LRRC15: variants seen among roughly 807,000 people sequenced by gnomAD.
The protein encoded by LRRC15 is leucine rich repeat containing 15.
Under a neutral mutation model 4.3 loss-of-function variants are expected in LRRC15, and 5 were observed. The observed-to-expected ratio is 1.16, with a 90% confidence interval of 0.61 to 2.44. The LOEUF (loss-of-function observed/expected upper bound fraction) is 2.44, where lower values mean the gene tolerates loss of function less well. Among genes scored for constraint, LRRC15 ranks in the 30% most tolerant of loss-of-function variants. The pLI is 0.01. For synonymous variants in LRRC15, 337 were observed against 323.2 expected, an observed-to-expected ratio of 1.04 and a Z score of -0.46; for missense variants, 769 against 747.0, an observed-to-expected ratio of 1.03 and a Z score of -0.34.
Position 194,360,735 on chromosome 3 carries a change from C to A in LRRC15, c.309G>T (p.Leu103=). 6.2e-7 allele frequency: 1 copy of A among 1,614,216 alleles called. No individual in the cohort carries two copies. Among genetic ancestry groups the A allele is most frequent in the Non-Finnish European group, 8.5e-7 (1 of 1,180,038 alleles). ...TPGAFRNLGS[L]RYLSLANNKL... is the part of the protein sequence containing the mutation. ...TGTTGTTGGCGAGGCTGAGATAGCG[C>A]AGCGAGCCCAGGTTTCGGAAGGCCC... is the stretch of plus-strand genomic sequence containing the variant. Residue 103 remains leucine (L), a synonymous_variant, in exon 2 of 2, where the codon CTG becomes CTT. Transcript: ENST00000347624.
chr3:194,364,110 A>G (rs1283132045), intron 1 of LRRC15, among the ~76,000 whole-genome samples: 1 of 152,166 alleles, frequency 6.6e-6, no homozygotes, highest in African/African-American at 2.4e-5. Flanking sequence ...ATCACTTGGC[A>G]AGCAAGCTGT....
At chr3:194,363,525 G>A in intron 1 of LRRC15, 1 of 465,254 alleles carries the variant, frequency 2.1e-6, no homozygotes, top group South Asian at 3.5e-5. Context: ...TTCACCCTAG[G>A]AGAAGACTTA....
intron 1 of LRRC15, among the ~76,000 whole-genome samples, chr3:194,365,711 C>T (rs1013229525): frequency 1.1e-4 from 17 of 152,192 alleles, no homozygotes; most frequent in Non-Finnish European, 2.5e-4. Flanking sequence ...GGACCTCCAG[C>T]AGGGCCGCCC....
rs925261527 is a variant in LRRC15 at position 194,360,713 on chromosome 3, T to C, written c.331A>G (p.Asn111Asp). Residue 111 changes from asparagine to aspartate, a missense_variant, in exon 2 of 2, where the codon AAC (asparagine) becomes GAC (aspartate). Coordinates refer to ENST00000347624, the MANE Select transcript of LRRC15 (RefSeq NM_130830.5). ...CCGATGGGCAGAACCTGCAGCTTGT[T>C]GTTGGCGAGGCTGAGATAGCGCAGC... ...GSLRYLSLANNKLQVLPIGLF... is the reference protein window; with the variant it reads ...GSLRYLSLANDKLQVLPIGLF... The C allele has an allele frequency of 1.2e-6, 2 of 1,614,194 alleles. No homozygotes were observed. Among genetic ancestry groups the C allele is most frequent in the East Asian group, 4.5e-5 (2 of 44,882 alleles).
intron 1 of LRRC15, among the ~76,000 whole-genome samples, chr3:194,363,648 C>T (rs998853918): frequency 8.9e-6 from 1 of 112,552 alleles, no homozygotes; most frequent in African/African-American, 5.8e-5. Context: ...GTGATGGTCT[C>T]ACCCTGCAAC....
In LRRC15 at chr3:194,357,843, G is replaced by A. The variant is rs949790506; in HGVS notation, c.*1455C>T. On this transcript the variant is annotated 3_prime_UTR_variant, in exon 2 of 2. Coordinates refer to ENST00000347624, the MANE Select transcript of LRRC15 (RefSeq NM_130830.5). ...TTCAATTAAAGGATCTCATCTCTGA[G>A]CGATTTCACTTCCCCTAAGTGAAGA... 27 of 152,208 alleles carry A rather than the reference G, an allele frequency of 1.8e-4. No individual in the cohort carries two copies. Among genetic ancestry groups the A allele is most frequent in the African/African-American group, 6.0e-4 (25 of 41,448 alleles). The allele number at this position is 152,208 out of a possible 1,614,324, so 9.4% of individuals were successfully genotyped here.
rs1188365947 is a variant in LRRC15 at position 194,360,793 on chromosome 3, A to G, written c.251T>C (p.Ile84Thr). 1 of 1,614,110 alleles carries G rather than the reference A, an allele frequency of 6.2e-7. No homozygotes were observed. The highest frequency in any genetic ancestry group is 8.5e-7 in the Non-Finnish European group (1 of 1,180,050). ...GATGCGCGACAGCTCATTCTTCTCA[A>G]TCCTCAGGGCGATGAGGGCTGAGAT... ...LNISALIALR[I>T]EKNELSRITP... Residue 84 changes from isoleucine (I) to threonine (T), a missense_variant, in exon 2 of 2, where the codon ATT becomes ACT. Transcript: ENST00000347624.
Position 194,358,122 on chromosome 3 carries a change from C to G in LRRC15, c.*1176G>C, listed in dbSNP as rs1409295455. On this transcript the variant is annotated 3_prime_UTR_variant, in exon 2 of 2. Transcript: ENST00000347624. ...GTCCACACCCACATATTCTCCTCCA[C>G]CCCTGGCCACGGGGCCTTTGCACAG... The G allele has an allele frequency of 6.6e-6, 1 of 152,520 alleles. No homozygotes were observed. Among genetic ancestry groups the G allele is most frequent in the African/African-American group, 2.4e-5 (1 of 41,466 alleles). 9.4% of individuals were successfully genotyped at this position (152,520 alleles called of 1,614,324 possible). A position where few individuals can be genotyped will look rare whatever the true frequency, so the allele number is the denominator to read the frequency against.
intron 1 of LRRC15, among the ~76,000 whole-genome samples, chr3:194,368,696 G>A (rs1474350801): frequency 2.0e-5 from 3 of 152,148 alleles, no homozygotes; most frequent in East Asian, 1.9e-4. Context: ...TGGAGCACAC[G>A]TGTCATCTCA....
rs557586131 is a variant in LRRC15 at position 194,360,766 on chromosome 3, G to A, written c.278C>T (p.Thr93Met). The stretch of plus-strand genomic sequence containing the variant: ...GCCCAGGTTTCGGAAGGCCCCAGGC[G>A]TGATGCGCGACAGCTCATTCTTCTC... ...RIEKNELSRI[T>M]PGAFRNLGSL... Residue 93 changes from threonine (T) to methionine (M), a missense_variant, in exon 2 of 2, where the codon ACG (threonine) becomes ATG (methionine). Thr to Met is a moderately conservative substitution (Grantham distance 81). Coordinates refer to ENST00000347624, the MANE Select transcript of LRRC15 (RefSeq NM_130830.5). 2.0e-5 allele frequency: 33 copies of A among 1,614,122 alleles called. No homozygotes were observed. The highest frequency in any genetic ancestry group is 1.6e-4 in the Middle Eastern group (1 of 6,084).
At chr3:194,362,502 C>T (rs1438694379) in intron 1 of LRRC15, among the ~76,000 whole-genome samples, 1 of 152,160 alleles carries the variant, frequency 6.6e-6, no homozygotes, top group East Asian at 1.9e-4. Context: ...AGAGTATCCG[C>T]AACTTCCACC....
chr3:194,365,182 C>T (rs1713740975), intron 1 of LRRC15, among the ~76,000 whole-genome samples: 1 of 152,192 alleles, frequency 6.6e-6, no homozygotes, highest in African/African-American at 2.4e-5. Flanking sequence ...GGGGAATAGC[C>T]TGGTGTCTAT....
chr3:194,355,842 T>C lies in LRRC15; in HGVS notation c.*3456A>G, dbSNP rs558291473. ...AAAAGTTCTAAGTAGAACTCTTGTA[T>C]CTCTAAATTCTAAGGAGGAAGAACA... is the stretch of plus-strand genomic sequence containing the variant. On this transcript the variant is annotated 3_prime_UTR_variant, in exon 2 of 2. Coordinates refer to ENST00000347624, the MANE Select transcript of LRRC15 (RefSeq NM_130830.5). 6 of 152,322 alleles carry C rather than the reference T, an allele frequency of 3.9e-5. No individual in the cohort carries two copies. The East Asian group carries it at 1.2e-3, about 29-fold the overall frequency. 9.4% of individuals were successfully genotyped at this position (152,322 alleles called of 1,614,324 possible).
Position 194,360,865 on chromosome 3 carries a change from A to C in LRRC15, c.179T>G (p.Ile60Ser). The C allele has an allele frequency of 6.2e-7, 1 of 1,610,064 alleles. No individual in the cohort carries two copies. The highest frequency in any genetic ancestry group is 8.5e-7 in the Non-Finnish European group (1 of 1,177,196). The stretch of plus-strand genomic sequence containing the variant: ...GAGTTCAGTGATGTGCGTGTTGAGG[A>C]TCTGCAGGCTCATGGCGTTCCAGGG... ...PLPWNAMSLQ[I>S]LNTHITELNE... Residue 60 changes from isoleucine (I) to serine (S), a missense_variant, in exon 2 of 2, where the codon ATC becomes AGC. Physicochemically the swap from Ile to Ser is moderately radical, Grantham distance 142. Coordinates refer to ENST00000347624, the MANE Select transcript of LRRC15 (RefSeq NM_130830.5).
At position 194,359,049 on chromosome 3, in the gene LRRC15, A is replaced by T. The variant is rs372418559; in HGVS notation, c.*249T>A. ...GCCCTCTCGAAGGAAGCCCAGGGGT[A>T]TGAATCGGAAATCCCCAGGGCTTTT... On this transcript the variant is annotated 3_prime_UTR_variant, in exon 2 of 2. Transcript: ENST00000347624. 17 of 373,170 alleles carry T rather than the reference A, an allele frequency of 4.6e-5. No homozygotes were observed. The highest frequency in any genetic ancestry group is 2.0e-4 in the African/African-American group (10 of 48,824). The allele number at this position is 373,170 out of a possible 1,614,324, so 23.1% of individuals were successfully genotyped here.
In LRRC15 at chr3:194,358,982, A is replaced by C; in HGVS notation, c.*316T>G. The stretch of plus-strand genomic sequence containing the variant: ...CCCGGAGGGGGCCTGGGCGCAGGGA[A>C]GGCTGTTCTTGGAGGACAGGTGGGG... On this transcript the variant is annotated 3_prime_UTR_variant, in exon 2 of 2. Transcript: ENST00000347624. The C allele has an allele frequency of 8.0e-6, 2 of 251,570 alleles. No individual in the cohort carries two copies. The highest frequency in any genetic ancestry group is 1.5e-5 in the Non-Finnish European group (2 of 130,864). 15.6% of individuals were successfully genotyped at this position (251,570 alleles called of 1,614,324 possible).
rs373084418 is a variant in LRRC15 at position 194,359,789 on chromosome 3, G to T, written c.1255C>A (p.Arg419=). Residue 419 remains arginine (R), a synonymous_variant, in exon 2 of 2, where the codon CGG becomes AGG. Transcript: ENST00000347624. ...CACCTCCAGGGATTGTCATACAGCC[G>T]CAGCTCACACAGTTTCCCCAGGTGA... ...FDHLGKLCEL[R]LYDNPWRCDS... The T allele has an allele frequency of 1.2e-6, 2 of 1,614,048 alleles. No individual in the cohort carries two copies. Among genetic ancestry groups the T allele is most frequent in the Non-Finnish European group, 1.7e-6 (2 of 1,179,994 alleles).
chr3:194,364,664 C>T (rs577210207), intron 1 of LRRC15, among the ~76,000 whole-genome samples: 1 of 152,218 alleles, frequency 6.6e-6, no homozygotes, highest in African/African-American at 2.4e-5. Context: ...GAGAGGACTG[C>T]ACAGATAATT....
Position 194,359,627 on chromosome 3 carries a change from C to T in LRRC15, c.1417G>A (p.Val473Ile). Residue 473 changes from valine to isoleucine, a missense_variant, in exon 2 of 2, where the codon GTT becomes ATT. By Grantham distance (29) the Val-to-Ile change is conservative (BLOSUM62 3). Coordinates refer to ENST00000347624, the MANE Select transcript of LRRC15 (RefSeq NM_130830.5). Reference sequence around the variant, plus strand: ...ACCTCGGGGACATGGACGCTTGGAACAGCAACGTTGACATTGATGATAATG... The same window carrying T: ...ACCTCGGGGACATGGACGCTTGGAATAGCAACGTTGACATTGATGATAATG... The part of the protein sequence containing the change: ...SLIIINVNVA[V>I]PSVHVPEVPS... 6.2e-7 allele frequency: 1 copy of T among 1,613,996 alleles called. No individual in the cohort carries two copies. Among genetic ancestry groups the T allele is most frequent in the East Asian group, 2.2e-5 (1 of 44,890 alleles).
Sources: gnomAD v4.1 joint callset for allele counts (sites outside exome capture counted in the v4.1 genomes callset) on GRCh38, gnomAD v4.1.1 for gene constraint, MANE v1.5 for transcripts, NCBI Gene and HGNC (gene_info 2026-07-23, HGNC 2026-07-21) for gene names.